The following PTPRT variants were observed in gnomAD, a reference collection of about 807,000 sequenced individuals.
PTPRT encodes protein tyrosine phosphatase receptor type T.
In PTPRT, 56 loss-of-function variants were observed where a neutral mutation model predicts 176.8. The ratio of observed to expected loss-of-function variants is 0.32; its 90% CI spans 0.26 to 0.40. PTPRT has a LOEUF of 0.40. PTPRT is among the 10% of genes least tolerant of loss of function. The probability of loss-of-function intolerance (pLI) is 1.00; values close to 1 mark genes in which losing one functional copy is unlikely to be tolerated. For synonymous variants in PTPRT, 783 were observed against 739.0 expected (o/e 1.06, Z -0.96); for missense variants, 1,540 against 1,908.2 (o/e 0.81, Z 3.60).
At position 42,801,039 on chromosome 20, in the gene PTPRT, T is replaced by C. The variant is rs144387821; in HGVS notation, c.215-9573A>G. ...TTTTTCTTCCTGGGGAGAGCATCCA[T>C]CTATTTCTCAAAGAGCTCCATAACC... On this transcript the variant is annotated intron_variant, in intron 2 of 30. Coordinates refer to ENST00000373187, the MANE Select transcript of PTPRT (RefSeq NM_007050.6). 9.7e-4 allele frequency among the ~76,000 whole-genome samples: 147 copies of C among 152,268 alleles called. 1 individual carries two copies. The highest frequency in any genetic ancestry group is 3.3e-3 in the African/African-American group (139 of 41,546).
At chr20:42,510,731 G>A (rs181930290) in intron 7 of PTPRT, among the ~76,000 whole-genome samples, 342 of 152,282 alleles carry the variant, frequency 2.2e-3, no homozygotes, top group Admixed American at 5.0e-3. Context: ...CCTGCAAGCA[G>A]GTGGCAAAGC....
chr20:42,639,913 G>C (rs1416285428), intron 7 of PTPRT, among the ~76,000 whole-genome samples: 1 of 152,058 alleles, frequency 6.6e-6, no homozygotes. Context: ...CGCCGCTTCT[G>C]CTTTACAAAA....
intron 6 of PTPRT, among the ~76,000 whole-genome samples, chr20:42,715,135 T>C (rs2076203925): frequency 6.6e-6 from 1 of 152,162 alleles, no homozygotes; most frequent in Non-Finnish European, 1.5e-5. Flanking sequence ...CCTAACAAAG[T>C]ATAAGACAAT....
chr20:42,350,536 C>T, intron 11 of PTPRT, 92 bp downstream of exon 11: 4 of 1,083,798 alleles, frequency 3.7e-6, no homozygotes, highest in Non-Finnish European at 5.6e-6. Flanking sequence ...GCCAGTCTTG[C>T]CCATGGGCAT....
chr20:42,171,463 G>C (rs1029337515), intron 16 of PTPRT, among the ~76,000 whole-genome samples: 6 of 152,070 alleles, frequency 3.9e-5, no homozygotes, highest in Non-Finnish European at 8.8e-5. Flanking sequence ...TACATCACTA[G>C]GAATAAAAGT....
intron 1 of PTPRT, among the ~76,000 whole-genome samples, chr20:43,019,392 G>A (rs760406047): frequency 2.6e-5 from 4 of 151,964 alleles, no homozygotes; most frequent in Non-Finnish European, 5.9e-5. Context: ...AGGTCAAGGC[G>A]GGCAGATCAC....
chr20:42,888,714 T>C (rs1347396164), intron 1 of PTPRT, among the ~76,000 whole-genome samples: 1 of 152,174 alleles, frequency 6.6e-6, no homozygotes, highest in East Asian at 1.9e-4. Flanking sequence ...TGGTTGGGCC[T>C]CTCCATTCAA....
At chr20:42,541,722 C>A (rs1423312648) in intron 7 of PTPRT, among the ~76,000 whole-genome samples, 1 of 151,308 alleles carries the variant, frequency 6.6e-6, no homozygotes, top group Non-Finnish European at 1.5e-5. Flanking sequence ...AGAGAGGCTA[C>A]TATTTATTTA....
At position 42,393,901 on chromosome 20, in the gene PTPRT, G is replaced by A. The variant is rs547755405; in HGVS notation, c.1561-41616C>T. ...TGAGTAAAGAGGGTAGATATCAACA[G>A]AATTGCATGGAAGAGTCAGGGAAGA... On this transcript the variant is annotated intron_variant, in intron 9 of 30. Transcript: ENST00000373187. Among the ~76,000 whole-genome samples, 7 of 152,254 alleles carry A rather than the reference G, an allele frequency of 4.6e-5. No individual in the cohort carries two copies. The South Asian group carries it at 1.5e-3, about 32-fold the overall frequency.
chr20:42,788,642 T>C (rs2077327564), intron 3 of PTPRT, among the ~76,000 whole-genome samples: 3 of 152,194 alleles, frequency 2.0e-5, no homozygotes. Context: ...TATTTACTCC[T>C]TTAAGTCTCC....
chr20:42,923,721 C>T (rs2145958321), intron 1 of PTPRT, among the ~76,000 whole-genome samples: 1 of 152,362 alleles, frequency 6.6e-6, no homozygotes, highest in Admixed American at 6.5e-5. Context: ...AGGTACTCCA[C>T]GTGCACTGCT....
intron 2 of PTPRT, among the ~76,000 whole-genome samples, chr20:42,791,835 T>A (rs2145553389): frequency 6.6e-6 from 1 of 152,306 alleles, no homozygotes; most frequent in African/African-American, 2.4e-5. Context: ...CTCTTTTGAG[T>A]TGCTTTGACA....
At chr20:42,283,231 C>T (rs571811692) in intron 12 of PTPRT, among the ~76,000 whole-genome samples, 4 of 152,168 alleles carry the variant, frequency 2.6e-5, no homozygotes, top group South Asian at 4.1e-4. Context: ...ATTCTCTGCC[C>T]GCTTTACTGG....
intron 16 of PTPRT, among the ~76,000 whole-genome samples, chr20:42,188,175 G>C (rs1224778559): frequency 6.6e-6 from 1 of 152,134 alleles, no homozygotes. Flanking sequence ...ATCTCATTTG[G>C]CATCATCACC....
At chr20:42,767,259 G>C (rs572361545) in intron 5 of PTPRT, among the ~76,000 whole-genome samples, 2 of 152,294 alleles carry the variant, frequency 1.3e-5, no homozygotes, top group East Asian at 3.9e-4. Context: ...GTCTGGATGA[G>C]ATGAGCATTT....
chr20:42,259,397 C>T (rs925013704), intron 13 of PTPRT, among the ~76,000 whole-genome samples: 1 of 152,178 alleles, frequency 6.6e-6, no homozygotes, highest in African/African-American at 2.4e-5. Flanking sequence ...CAGACACAGT[C>T]ATTATTGACA....
intron 18 of PTPRT, among the ~76,000 whole-genome samples, chr20:42,136,422 C>T (rs1335244720): frequency 6.6e-6 from 1 of 152,086 alleles, no homozygotes; most frequent in African/African-American, 2.4e-5. Flanking sequence ...AAGGTCTGCA[C>T]ATTCAATCTT....
At chr20:42,957,032 G>A (rs1981685505) in intron 1 of PTPRT, among the ~76,000 whole-genome samples, 1 of 152,066 alleles carries the variant, frequency 6.6e-6, no homozygotes, top group African/African-American at 2.4e-5. Flanking sequence ...GGTTTCATTG[G>A]GAGATTCAAC....
intron 15 of PTPRT, among the ~76,000 whole-genome samples, chr20:42,212,416 C>CAAAAAA (rs34652089): frequency 1.1e-5 from 1 of 90,604 alleles, no homozygotes; most frequent in Non-Finnish European, 2.3e-5. Context: ...TCTTTTTTCT[C>CAAAAAA]AAAAAAAAAA....
Sources: gnomAD v4.1 joint callset for allele counts (sites outside exome capture counted in the v4.1 genomes callset) on GRCh38, gnomAD v4.1.1 for gene constraint, MANE v1.5 for transcripts, NCBI Gene and HGNC (gene_info 2026-07-23, HGNC 2026-07-21) for gene names.